Variants in ANKRD13B observed in about 807,000 individuals in gnomAD.
ANKRD13B encodes the protein ankyrin repeat domain 13B.
A neutral mutation model predicts 74.4 loss-of-function variants in ANKRD13B; 33 were observed. The observed-to-expected ratio is 0.44, with a 90% CI of 0.34 to 0.59. The LOEUF is 0.59. ANKRD13B is among the 20% of genes least tolerant of loss of function. The pLI is 0.02. For missense variants in ANKRD13B, 676 were observed against 877.9 expected (o/e 0.77, Z 2.91); for synonymous variants, 341 against 362.9 (o/e 0.94, Z 0.68).
At chr17:29,598,651 T>C (rs1053377420) in intron 1 of ANKRD13B, among the ~76,000 whole-genome samples, 25 of 152,008 alleles carry the variant, frequency 1.6e-4, no homozygotes, top group African/African-American at 6.0e-4. Context: ...CAGGCTCAGG[T>C]GATCCTCCCA....
At position 29,612,044 on chromosome 17, in the gene ANKRD13B, G is replaced by A; in HGVS notation, c.1100+38G>A. ...CCGGTGCTGGGAAGGTGGGGGGCCG[G>A]GGCTCCAGGAGATGCTGGGAGGCCA... On this transcript the variant is annotated intron_variant, in intron 10 of 14. Transcript: ENST00000394859. The surrounding 1 kb of genome is among the most constrained non-coding windows in gnomAD (Gnocchi z 6.1). 1 of 1,608,490 alleles carries A rather than the reference G, an allele frequency of 6.2e-7. No individual in the cohort carries two copies. Among genetic ancestry groups the A allele is most frequent in the South Asian group, 1.1e-5 (1 of 90,794 alleles).
chr17:29,606,817 G>A (rs1185644550), intron 1 of ANKRD13B, among the ~76,000 whole-genome samples: 1 of 150,864 alleles, frequency 6.6e-6, no homozygotes, highest in Non-Finnish European at 1.5e-5. Context: ...GGGAGCCCGA[G>A]CCAGGTGGAT....
chr17:29,608,710 G>T lies in ANKRD13B; in HGVS notation c.422-141G>T. ...GTATGGTCTACACTGGCCAGGGAGG[G>T]GGTTTTGGAGGAGAGGCTGCTCTCT... On this transcript the variant is annotated intron_variant, in intron 4 of 14. Transcript: ENST00000394859. The surrounding 1 kb of genome is among the most constrained non-coding windows in gnomAD (Gnocchi z 6.4). 8.3e-7 allele frequency: 1 copy of T among 1,205,762 alleles called. No homozygotes were observed. The highest frequency in any genetic ancestry group is 1.5e-5 in the African/African-American group (1 of 65,374). 74.7% of individuals were successfully genotyped at this position (1,205,762 alleles called of 1,614,324 possible). A position where few individuals can be genotyped will look rare whatever the true frequency, so the allele number is the denominator to read the frequency against.
In ANKRD13B at chr17:29,608,718, G is replaced by A; in HGVS notation, c.422-133G>A. The A allele has an allele frequency of 7.8e-7, 1 of 1,281,572 alleles. No individual in the cohort carries two copies. The highest frequency in any genetic ancestry group is 1.1e-6 in the Non-Finnish European group (1 of 939,648). 79.4% of individuals were successfully genotyped at this position (1,281,572 alleles called of 1,614,324 possible). A position where few individuals can be genotyped will look rare whatever the true frequency, so the allele number is the denominator to read the frequency against. ...TACACTGGCCAGGGAGGGGGTTTTG[G>A]AGGAGAGGCTGCTCTCTCTTCAGTT... On this transcript the variant is annotated intron_variant, in intron 4 of 14. Transcript: ENST00000394859. The surrounding 1 kb of genome is among the most constrained non-coding windows in gnomAD (Gnocchi z 6.4).
chr17:29,599,865 G>GTTT (rs35600194), intron 1 of ANKRD13B, among the ~76,000 whole-genome samples: 740 of 50,758 alleles, frequency 0.015, 276 homozygotes, highest in African/African-American at 0.02. Flanking sequence ...CATCTAATTT[G>GTTT]TTTTTTTTTT....
At position 29,593,752 on chromosome 17, in the gene ANKRD13B, G is replaced by A; in HGVS notation, c.114+17G>A. 1 of 1,363,430 alleles carries A rather than the reference G, an allele frequency of 7.3e-7. No individual in the cohort carries two copies. 84.5% of individuals were successfully genotyped at this position (1,363,430 alleles called of 1,614,324 possible). A position where few individuals can be genotyped will look rare whatever the true frequency, so the allele number is the denominator to read the frequency against. On this transcript the variant is annotated intron_variant, in intron 1 of 14. Transcript: ENST00000394859. The stretch of plus-strand genomic sequence containing the variant: ...GCGGGCCAGGTAGGAGCGCCTTCGG[G>A]GCGCCGCGGGGACCCCGCGGCCGGG...
In ANKRD13B at chr17:29,613,662, C is replaced by T. The variant is rs2034695434; in HGVS notation, c.*80C>T. The T allele has an allele frequency of 5.8e-6, 8 of 1,372,462 alleles. No homozygotes were observed. The East Asian group carries it at 2.2e-4, about 37-fold the overall frequency. 85.0% of individuals were successfully genotyped at this position (1,372,462 alleles called of 1,614,324 possible). A position where few individuals can be genotyped will look rare whatever the true frequency, so the allele number is the denominator to read the frequency against. On this transcript the variant is annotated 3_prime_UTR_variant, in exon 15 of 15. Coordinates refer to ENST00000394859, the MANE Select transcript of ANKRD13B (RefSeq NM_152345.5). ...GCCAGACAAACCCCGGCCTGCGCGC[C>T]TGCAGAGCGGCGGCTGGAGACTGGA...
chr17:29,608,361 C>G lies in ANKRD13B; in HGVS notation c.421+121C>G. On this transcript the variant is annotated intron_variant, in intron 4 of 14. Coordinates refer to ENST00000394859, the MANE Select transcript of ANKRD13B (RefSeq NM_152345.5). The surrounding 1 kb of genome is among the most constrained non-coding windows in gnomAD (Gnocchi z 6.4). Reference sequence around the variant, plus strand: ...GTTCCCTCTATGCCTTAGCTCAGCTCAGGGCCACCGCCTCAGCTAGGCCTT... The same window carrying G: ...GTTCCCTCTATGCCTTAGCTCAGCTGAGGGCCACCGCCTCAGCTAGGCCTT... 1.5e-6 allele frequency: 2 copies of G among 1,295,662 alleles called. No individual in the cohort carries two copies. Among genetic ancestry groups the G allele is most frequent in the East Asian group, 2.5e-5 (1 of 40,426 alleles). The allele number at this position is 1,295,662 out of a possible 1,614,324, so 80.3% of individuals were successfully genotyped here.
At position 29,613,814 on chromosome 17, in the gene ANKRD13B, T is replaced by C; in HGVS notation, c.*232T>C. The C allele has an allele frequency of 1.6e-6, 1 of 615,490 alleles. No individual in the cohort carries two copies. The highest frequency in any genetic ancestry group is 2.6e-6 in the Non-Finnish European group (1 of 389,614). The allele number at this position is 615,490 out of a possible 1,614,324, so 38.1% of individuals were successfully genotyped here. ...GCACGGCCTGGTCCCCCTGCTTTGC[T>C]GTATTCTGATTCCCCAACCCGCTCC... is the stretch of plus-strand genomic sequence containing the variant. On this transcript the variant is annotated 3_prime_UTR_variant, in exon 15 of 15. Transcript: ENST00000394859.
intron 1 of ANKRD13B, among the ~76,000 whole-genome samples, chr17:29,605,297 C>T (rs1485577097): frequency 1.3e-5 from 2 of 152,126 alleles, no homozygotes; most frequent in Non-Finnish European, 2.9e-5. Context: ...AGGGATGTTA[C>T]AGAGCTCACC....
At chr17:29,601,602 T>G (rs1312032414) in intron 1 of ANKRD13B, among the ~76,000 whole-genome samples, 4 of 152,232 alleles carry the variant, frequency 2.6e-5, no homozygotes, top group Non-Finnish European at 5.9e-5. Context: ...TGGGATCATT[T>G]TCTTTCCACC....
intron 1 of ANKRD13B, 61 bp downstream of exon 1, chr17:29,593,796 G>A (rs1473243310): frequency 6.3e-5 from 68 of 1,075,144 alleles, no homozygotes; most frequent in Non-Finnish European, 7.1e-5. Flanking sequence ...TCCGGCCTGG[G>A]GAGGGGGTGC....
chr17:29,607,580 C>T lies in ANKRD13B; in HGVS notation c.115-162C>T, dbSNP rs915534153. ...CCGTTGCTCATAGTGTCTGTCTTTC[C>T]GTTGCCCATAGTGTCTGTCTTTCCG... On this transcript the variant is annotated intron_variant, in intron 1 of 14. Coordinates refer to ENST00000394859, the MANE Select transcript of ANKRD13B (RefSeq NM_152345.5). Among the ~76,000 whole-genome samples the T allele has an allele frequency of 5.3e-5, 8 of 152,334 alleles. No individual in the cohort carries two copies. The East Asian group carries it at 7.7e-4, about 15-fold the overall frequency.
Position 29,593,499 on chromosome 17 carries a change from T to G in ANKRD13B, c.-123T>G. 2 of 255,336 alleles carry G rather than the reference T, an allele frequency of 7.8e-6. No homozygotes were observed. The highest frequency in any genetic ancestry group is 1.2e-5 in the Non-Finnish European group (2 of 166,596). 15.8% of individuals were successfully genotyped at this position (255,336 alleles called of 1,614,324 possible). Reference sequence around the variant, plus strand: ...GCCCCCGCCCGCCGCCGCTCGCACATGCCCGAGCCGCAGCCCCGCGAGCAG... The same window carrying G: ...GCCCCCGCCCGCCGCCGCTCGCACAGGCCCGAGCCGCAGCCCCGCGAGCAG... On this transcript the variant is annotated 5_prime_UTR_variant, in exon 1 of 15. An upstream start codon of the reference 5' UTR is lost. Transcript: ENST00000394859.
chr17:29,612,525 C>T lies in ANKRD13B; in HGVS notation c.1382C>T (p.Ser461Phe). The change falls in exon 12 of 15, where the codon TCC (serine) becomes TTC (phenylalanine). Residue 461 changes from serine to phenylalanine, a missense_variant. Physicochemically the swap from Ser to Phe is radical, Grantham distance 155 (BLOSUM62 -2). Around this residue, in one of 4 missense-constraint regions of ANKRD13B, gnomAD observed 152 missense variants for 181.4 expected, o/e 0.84. Coordinates refer to ENST00000394859, the MANE Select transcript of ANKRD13B (RefSeq NM_152345.5). The surrounding 1 kb of genome is among the most constrained non-coding windows in gnomAD (Gnocchi z 6.1). ...SSETPSPGSD[S>F]SSVSSSSSTT... ...GAGACGCCTTCCCCAGGCAGCGACT[C>T]CTCCAGCGTCAGCAGCTCCAGCTCC... 1 of 1,570,162 alleles carries T rather than the reference C, an allele frequency of 6.4e-7. No individual in the cohort carries two copies. Among genetic ancestry groups the T allele is most frequent in the African/African-American group, 1.4e-5 (1 of 73,990 alleles).
intron 1 of ANKRD13B, among the ~76,000 whole-genome samples, chr17:29,595,280 C>A (rs1469882379): frequency 6.6e-6 from 1 of 152,218 alleles, no homozygotes; most frequent in Non-Finnish European, 1.5e-5. Flanking sequence ...ATGTGCAAAG[C>A]GCTAAGACAT....
intron 1 of ANKRD13B, among the ~76,000 whole-genome samples, chr17:29,597,517 C>G (rs575905186): frequency 6.6e-6 from 1 of 152,042 alleles, no homozygotes; most frequent in Non-Finnish European, 1.5e-5. Context: ...CACCTTTTGA[C>G]TCCAGCTGAG....
rs1412725026 is a variant in ANKRD13B at position 29,611,722 on chromosome 17, G to T, written c.969+79G>T. 1.9e-6 allele frequency: 3 copies of T among 1,587,492 alleles called. No individual in the cohort carries two copies. Among genetic ancestry groups the T allele is most frequent in the Non-Finnish European group, 2.6e-6 (3 of 1,156,870 alleles). Reference sequence around the variant, plus strand: ...GGAGGCTTGGGAAGCGTCCTGCTTAGCATGGCCTATGTGGACCTCCTTTCC... The same window carrying T: ...GGAGGCTTGGGAAGCGTCCTGCTTATCATGGCCTATGTGGACCTCCTTTCC... On this transcript the variant is annotated intron_variant, in intron 9 of 14. Coordinates refer to ENST00000394859, the MANE Select transcript of ANKRD13B (RefSeq NM_152345.5). The surrounding 1 kb of genome is among the most constrained non-coding windows in gnomAD (Gnocchi z 4.3).
intron 1 of ANKRD13B, among the ~76,000 whole-genome samples, chr17:29,602,295 T>C (rs752707834): frequency 6.6e-6 from 1 of 150,570 alleles, no homozygotes; most frequent in Non-Finnish European, 1.5e-5. Flanking sequence ...CTTGGGAGGC[T>C]GAGGCAGGAG....
Sources: gnomAD v4.1 joint callset for allele counts (sites outside exome capture counted in the v4.1 genomes callset) on GRCh38, gnomAD v4.1.1 for gene constraint, gnomAD v4.1.1 regional missense constraint, Gnocchi (gnomAD v3.1) non-coding constraint, MANE v1.5 for transcripts, NCBI Gene and HGNC (gene_info 2026-07-23, HGNC 2026-07-21) for gene names.